ABCA2: variants seen among roughly 807,000 people sequenced by gnomAD.
ABCA2 encodes the protein ATP-binding cassette sub-family A member 2.
A neutral mutation model predicts 262.8 loss-of-function variants in ABCA2; 84 were observed. The ratio of observed to expected loss-of-function variants is 0.32; its 90% CI spans 0.27 to 0.38. The LOEUF (loss-of-function observed/expected upper bound fraction) is 0.38. Among genes scored for constraint, ABCA2 ranks in the 10% least tolerant of loss-of-function variants. The probability of loss-of-function intolerance (pLI) is 1.00; values close to 1 mark genes in which losing one functional copy is unlikely to be tolerated. For missense variants in ABCA2, 2,662 were observed against 3,405.9 expected (o/e 0.78, Z 5.44); for synonymous variants, 1,696 against 1,502.9 (o/e 1.13, Z -2.97).
Position 137,019,572 on chromosome 9 carries a change from A to G in ABCA2, c.1426-266T>C, listed in dbSNP as rs1444568885. The G allele has an allele frequency of 2.8e-5, 12 of 421,408 alleles. No homozygotes were observed. Among genetic ancestry groups the G allele is most frequent in the Non-Finnish European group, 5.1e-5 (12 of 233,356 alleles). The allele number at this position is 421,408 out of a possible 1,614,324, so 26.1% of individuals were successfully genotyped here. The stretch of plus-strand genomic sequence containing the variant: ...CAAGTAGCTGGGATTACAGGTGCCC[A>G]CCACCACGCCTGGCTAATTTTGTAT... On this transcript the variant is annotated intron_variant, in intron 10 of 48. Transcript: ENST00000341511. This position sits in a 1 kb window ranked among gnomAD's most constrained non-coding sequence, Gnocchi z 4.4.
In ABCA2 at chr9:137,019,468, G is replaced by A. The variant is rs528531635; in HGVS notation, c.1426-162C>T. ...CTGAGACAGGGTCTCAGTCACCCAC[G>A]CTGGAGTGCAGTGGTGCAGTCCCAG... On this transcript the variant is annotated intron_variant, in intron 10 of 48. Coordinates refer to ENST00000341511, the MANE Select transcript of ABCA2 (RefSeq NM_001606.5). This position sits in a 1 kb window ranked among gnomAD's most constrained non-coding sequence, Gnocchi z 4.4. 8.9e-6 allele frequency: 7 copies of A among 783,986 alleles called. No individual in the cohort carries two copies. The highest frequency in any genetic ancestry group is 2.8e-5 in the East Asian group (1 of 35,206). The allele number at this position is 783,986 out of a possible 1,614,324, so 48.6% of individuals were successfully genotyped here.
intron 43 of ABCA2, 34 bp downstream of exon 43, chr9:137,009,735 C>T: frequency 6.2e-7 from 1 of 1,608,284 alleles, no homozygotes; most frequent in Non-Finnish European, 8.5e-7. Context: ...AAGTCAAAGG[C>T]CAGGCAGCCA....
Position 137,021,760 on chromosome 9 carries a change from C to G in ABCA2, c.678+131G>C. On this transcript the variant is annotated intron_variant, in intron 7 of 48. Coordinates refer to ENST00000341511, the MANE Select transcript of ABCA2 (RefSeq NM_001606.5). This position sits in a 1 kb window ranked among gnomAD's most constrained non-coding sequence, Gnocchi z 6.0. ...CTCTACCCCTCATGCCTGCCATAGA[C>G]CCCTGGGACCCTCCCCCTCTCCCAG... 1 of 1,228,278 alleles carries G rather than the reference C, an allele frequency of 8.1e-7. No homozygotes were observed. The highest frequency in any genetic ancestry group is 1.1e-6 in the Non-Finnish European group (1 of 869,642). 76.1% of individuals were successfully genotyped at this position (1,228,278 alleles called of 1,614,324 possible). A position where few individuals can be genotyped will look rare whatever the true frequency, so the allele number is the denominator to read the frequency against.
rs1161822109 is a variant in ABCA2, at chr9:137,008,975, G to T, written c.6906C>A (p.Arg2302=). Residue 2302 remains arginine (R), a synonymous_variant, in exon 46 of 49, where the codon CGC becomes CGA. Transcript: ENST00000341511. Reference sequence around the variant, plus strand: ...CCTTGAGCATGGCTTCCGGGAAGTTGCGGTTGAAGAACCGCACCACGTCCT... The same window carrying T: ...CCTTGAGCATGGCTTCCGGGAAGTTTCGGTTGAAGAACCGCACCACGTCCT... The part of the protein sequence containing the change: ...SVKDVVRFFN[R]NFPEAMLKER... The T allele has an allele frequency of 1.3e-6, 2 of 1,590,412 alleles. No individual in the cohort carries two copies. The highest frequency in any genetic ancestry group is 2.2e-5 in the South Asian group (2 of 90,564).
In ABCA2 at chr9:137,021,198, CG is replaced by C; in HGVS notation, c.898-138del. 2 of 1,362,374 alleles carry C rather than the reference CG, an allele frequency of 1.5e-6. No individual in the cohort carries two copies. The highest frequency in any genetic ancestry group is 1.9e-6 in the Non-Finnish European group (2 of 1,031,980). The allele number at this position is 1,362,374 out of a possible 1,614,324, so 84.4% of individuals were successfully genotyped here. A position where few individuals can be genotyped will look rare whatever the true frequency, so the allele number is the denominator to read the frequency against. On this transcript the variant is annotated intron_variant, in intron 8 of 48. Coordinates refer to ENST00000341511, the MANE Select transcript of ABCA2 (RefSeq NM_001606.5). The surrounding 1 kb of genome is among the most constrained non-coding windows in gnomAD (Gnocchi z 6.0). ...GGGAGGGAGTCTGCAGCCTGGGTAACGGGAGCCCAGGACAGGAGCTGGGATG... is the reference window on the plus strand; with the variant it reads ...GGGAGGGAGTCTGCAGCCTGGGTAACGGAGCCCAGGACAGGAGCTGGGATG...
At chr9:137,020,065 C>T in intron 10 of ABCA2, 1 of 495,386 alleles carries the variant, frequency 2.0e-6, no homozygotes, top group Non-Finnish European at 3.6e-6. Context: ...CACACCCCTC[C>T]TCCACCAGCA....
intron 1 of ABCA2, among the ~76,000 whole-genome samples, chr9:137,026,089 C>A (rs1227081695): frequency 1.3e-5 from 2 of 152,226 alleles, no homozygotes; most frequent in Non-Finnish European, 2.9e-5. Flanking sequence ...CTGCCATCTG[C>A]CATCCCAGTG....
In ABCA2 at chr9:137,022,732, T is replaced by G; in HGVS notation, c.409A>C (p.Thr137Pro). 1.9e-6 allele frequency: 3 copies of G among 1,606,372 alleles called. No homozygotes were observed. The highest frequency in any genetic ancestry group is 8.5e-7 in the Non-Finnish European group (1 of 1,178,380). Residue 137 changes from threonine (T) to proline (P), a missense_variant, in exon 5 of 49, where the codon ACC becomes CCC. This residue lies in a region of ABCA2 where 403 missense variants were observed against 375.9 expected (regional missense o/e 1.07). Transcript: ENST00000341511. The stretch of plus-strand genomic sequence containing the variant: ...GATCTGTCCAGGTGGCTCCCCGAGG[T>G]GCCCGGGCCCGCACTGAGGGCCTCC... ...HLEALSAGPG[T>P]SGSHLDRSTV...
rs1831449567 is a variant in ABCA2 at position 137,021,446 on chromosome 9, A to G, written c.843T>C (p.Ser281=). 6.2e-7 allele frequency: 1 copy of G among 1,611,944 alleles called. No homozygotes were observed. Reference sequence around the variant, plus strand: ...GGTTCCGGAGCTCAGCAGACAGCCCAGAGAAGCGCCTGGCACGCGCAGCAG... The same window carrying G: ...GGTTCCGGAGCTCAGCAGACAGCCCGGAGAAGCGCCTGGCACGCGCAGCAG... ...GQAAARARRF[S]GLSAELRNQL... Residue 281 remains serine (S), a synonymous_variant, in exon 8 of 49, where the codon TCT becomes TCC. Coordinates refer to ENST00000341511, the MANE Select transcript of ABCA2 (RefSeq NM_001606.5). This position sits in a 1 kb window ranked among gnomAD's most constrained non-coding sequence, Gnocchi z 6.0.
intron 40 of ABCA2, 101 bp downstream of exon 40, chr9:137,010,519 C>G (rs765546131): frequency 3.4e-6 from 5 of 1,487,130 alleles, no homozygotes; most frequent in African/African-American, 2.8e-5. Flanking sequence ...CCCCAGAGCT[C>G]AGGGCCCTGC....
At chr9:137,023,639 G>A (rs1449138134) in intron 3 of ABCA2, 199 bp downstream of exon 3, 1 of 692,612 alleles carries the variant, frequency 1.4e-6, no homozygotes, top group Non-Finnish European at 2.6e-6. Context: ...TGTGCCTTTA[G>A]GTGGCCGGGC....
rs1460627985 is a variant in ABCA2 at position 137,021,499 on chromosome 9, A to G, written c.790T>C (p.Tyr264His). The change falls in exon 8 of 49, where the codon TAC (tyrosine) becomes CAC (histidine). Residue 264 changes from tyrosine (Y) to histidine (H), a missense_variant. Around this residue, in one of 12 missense-constraint regions of ABCA2, gnomAD observed 403 missense variants for 375.9 expected, o/e 1.07. Transcript: ENST00000341511. The surrounding 1 kb of genome is among the most constrained non-coding windows in gnomAD (Gnocchi z 6.0). Reference sequence around the variant, plus strand: ...TGCCCACTGCAGACAGCATCCCGGTAGCCCTGCAGGGCTCCCTTCTGACTC... The same window carrying G: ...TGCCCACTGCAGACAGCATCCCGGTGGCCCTGCAGGGCTCCCTTCTGACTC... ...PESQKGALQG[Y>H]RDAVCSGQAA... is the part of the protein sequence containing the mutation. 1 of 1,609,774 alleles carries G rather than the reference A, an allele frequency of 6.2e-7. No homozygotes were observed. Among genetic ancestry groups the G allele is most frequent in the South Asian group, 1.1e-5 (1 of 90,564 alleles).
At position 137,007,605 on chromosome 9, in the gene ABCA2, C is replaced by T. The variant is rs1830878745; in HGVS notation, c.*324G>A. The stretch of plus-strand genomic sequence containing the variant: ...CCGGGCAGGAGAAAGGCCAGCAGTG[C>T]CTGGTCCAGCCGGCGTCGCCTTGGG... On this transcript the variant is annotated 3_prime_UTR_variant, in exon 49 of 49. Transcript: ENST00000341511. The T allele has an allele frequency of 4.3e-6, 2 of 466,066 alleles. No homozygotes were observed. The highest frequency in any genetic ancestry group is 7.8e-6 in the Non-Finnish European group (2 of 255,922). 28.9% of individuals were successfully genotyped at this position (466,066 alleles called of 1,614,324 possible). A position where few individuals can be genotyped will look rare whatever the true frequency, so the allele number is the denominator to read the frequency against.
rs35180161 is a variant in ABCA2 at position 137,019,424 on chromosome 9, CT to C, written c.1426-119del. Reference sequence around the variant, plus strand: ...ATTGCCAACAACTAACCCTCCCCACCTTTTTTTTTTTTTTTTTCCTGAGACA... The same window carrying C: ...ATTGCCAACAACTAACCCTCCCCACCTTTTTTTTTTTTTTTTCCTGAGACA... On this transcript the variant is annotated intron_variant, in intron 10 of 48. Transcript: ENST00000341511. The surrounding 1 kb of genome is among the most constrained non-coding windows in gnomAD (Gnocchi z 4.4). 182,237 of 886,044 alleles carry C rather than the reference CT, an allele frequency of 0.21. 707 individuals are homozygous for C. The highest frequency in any genetic ancestry group is 0.25 in the South Asian group (12,790 of 51,648). 54.9% of individuals were successfully genotyped at this position (886,044 alleles called of 1,614,324 possible). A position where few individuals can be genotyped will look rare whatever the true frequency, so the allele number is the denominator to read the frequency against.
At position 137,018,945 on chromosome 9, in the gene ABCA2, G is replaced by A. The variant is rs571912986; in HGVS notation, c.1680C>T (p.Thr560=). 1 of 1,612,950 alleles carries A rather than the reference G, an allele frequency of 6.2e-7. No homozygotes were observed. Among genetic ancestry groups the A allele is most frequent in the South Asian group, 1.1e-5 (1 of 91,086 alleles). Residue 560 remains threonine (T), a synonymous_variant, in exon 12 of 49, where the codon ACC becomes ACT. Transcript: ENST00000341511. Reference sequence around the variant, plus strand: ...TCCAGCCGCAGGCCGCGTTGTCAATGGTATCCAGCTGCTGCAGGAGGGCCA... The same window carrying A: ...TCCAGCCGCAGGCCGCGTTGTCAATAGTATCCAGCTGCTGCAGGAGGGCCA... ...SGMALLQQLD[T]IDNAACGWIQ... is the part of the protein sequence containing the mutation.
upstream of ABCA2, chr9:137,028,909 G>C: frequency 7.7e-7 from 1 of 1,291,992 alleles, no homozygotes; most frequent in Non-Finnish European, 1.0e-6. This position sits in a 1 kb window ranked among gnomAD's most constrained non-coding sequence, Gnocchi z 6.9. Flanking sequence ...GGGAGTTCGG[G>C]ATCAGGCGGT....
In ABCA2 at chr9:137,010,327, G is replaced by A; in HGVS notation, c.6219C>T (p.Arg2073=). ...CGCCAGGACGCACACCCAGGCACAG[G>A]CGGTCAACGGCCAGGATACGGCCAA... ...RKIGRILAVD[R]LCLGVRPGEC... is the part of the protein sequence containing the mutation. The change falls in exon 41 of 49, where the codon CGC becomes CGT. Residue 2073 remains arginine (R), a synonymous_variant. Coordinates refer to ENST00000341511, the MANE Select transcript of ABCA2 (RefSeq NM_001606.5). 1 of 1,586,108 alleles carries A rather than the reference G, an allele frequency of 6.3e-7. No individual in the cohort carries two copies. Among genetic ancestry groups the A allele is most frequent in the South Asian group, 1.1e-5 (1 of 87,242 alleles).
chr9:137,023,599 A>G (rs1831551695), intron 3 of ABCA2: 1 of 731,336 alleles, frequency 1.4e-6, no homozygotes, highest in African/African-American at 1.7e-5. Context: ...AGGCAGAGAG[A>G]TGCCGCCTCA....
intron 48 of ABCA2, 27 bp downstream of exon 48, chr9:137,008,389 G>A: frequency 6.5e-7 from 1 of 1,548,426 alleles, no homozygotes; most frequent in Non-Finnish European, 8.7e-7. Flanking sequence ...GCAGAGCCCT[G>A]GACAGCCATG....
Sources: allele counts gnomAD v4.1 joint callset (sites outside exome capture counted in the v4.1 genomes callset), GRCh38; gene constraint gnomAD v4.1.1; regional missense constraint gnomAD v4.1.1; non-coding constraint Gnocchi (gnomAD v3.1); transcripts MANE v1.5; gene names NCBI Gene and HGNC (gene_info 2026-07-23, HGNC 2026-07-21).